TAFA5: variants seen among roughly 807,000 people sequenced by gnomAD.
TAFA5 encodes chemokine-like protein TAFA-5.
In TAFA5, 6 loss-of-function variants were observed where a neutral mutation model predicts 15.3. The observed-to-expected ratio is 0.39, with a 90% confidence interval of 0.21 to 0.77. The LOEUF (loss-of-function observed/expected upper bound fraction) is 0.77. Among genes scored for constraint, TAFA5 ranks in the 30% least tolerant of loss-of-function variants. TAFA5 has a pLI of 0.41. For synonymous variants in TAFA5, 103 were observed against 80.7 expected, an observed-to-expected ratio of 1.28 and a Z score of -1.48; for missense variants, 161 against 193.1, an observed-to-expected ratio of 0.83 and a Z score of 0.98.
At chr22:48,736,007 T>C (rs1601706854) in intron 3 of TAFA5, among the ~76,000 whole-genome samples, 1 of 42,342 alleles carries the variant, frequency 2.4e-5, no homozygotes, top group East Asian at 3.5e-4. Context: ...CCAGAGTCCA[T>C]CCCCCCAGGA....
At chr22:48,655,666 A>T (rs777373245) in intron 2 of TAFA5, among the ~76,000 whole-genome samples, 7 of 152,086 alleles carry the variant, frequency 4.6e-5, no homozygotes, top group Non-Finnish European at 7.3e-5. Flanking sequence ...AATTTAGGGA[A>T]CACTTTTAGA....
intron 1 of TAFA5, among the ~76,000 whole-genome samples, chr22:48,633,772 C>T (rs1286770692): frequency 1.3e-5 from 2 of 152,112 alleles, no homozygotes; most frequent in African/African-American, 4.8e-5. Flanking sequence ...CATATTAAGT[C>T]ATCTTTAGTT....
chr22:48,712,393 A>G (rs1929280315), intron 3 of TAFA5, among the ~76,000 whole-genome samples: 1 of 152,172 alleles, frequency 6.6e-6, no homozygotes, highest in Non-Finnish European at 1.5e-5. Flanking sequence ...CCGTCACCCC[A>G]TTAGTGGGTT....
intron 1 of TAFA5, among the ~76,000 whole-genome samples, chr22:48,539,756 G>A (rs976912623): frequency 2.6e-5 from 4 of 152,184 alleles, no homozygotes; most frequent in East Asian, 3.9e-4. Context: ...CTTAATAGCC[G>A]CAGGAAGGCC....
intron 3 of TAFA5, among the ~76,000 whole-genome samples, chr22:48,716,734 A>T (rs1929412792): frequency 6.6e-6 from 1 of 152,208 alleles, no homozygotes; most frequent in Non-Finnish European, 1.5e-5. Context: ...ACATACACAC[A>T]CGTATATGTC....
At chr22:48,724,790 G>C (rs1269435233) in intron 3 of TAFA5, among the ~76,000 whole-genome samples, 2 of 152,226 alleles carry the variant, frequency 1.3e-5, no homozygotes, top group East Asian at 3.9e-4. Context: ...TGATCAGAGG[G>C]TTCACAGGCA....
intron 2 of TAFA5, among the ~76,000 whole-genome samples, chr22:48,662,577 G>A (rs1364867330): frequency 6.6e-6 from 1 of 152,180 alleles, no homozygotes; most frequent in Non-Finnish European, 1.5e-5. Context: ...TGTATGTGCA[G>A]CGATGCTCTG....
At chr22:48,675,814 G>T (rs1408239084) in intron 2 of TAFA5, among the ~76,000 whole-genome samples, 2 of 152,248 alleles carry the variant, frequency 1.3e-5, no homozygotes, top group African/African-American at 4.8e-5. Context: ...CTCCAGGTCA[G>T]CATTGTACCA....
At position 48,538,334 on chromosome 22, in the gene TAFA5, G is replaced by C. The variant is rs116110712; in HGVS notation, c.112+48630G>C. Among the ~76,000 whole-genome samples, 1,119 of 152,318 alleles carry C rather than the reference G, an allele frequency of 7.3e-3. 12 individuals carry two copies. The highest frequency in any genetic ancestry group is 0.026 in the African/African-American group (1,074 of 41,588). Reference sequence around the variant, plus strand: ...CCGCTGCCCCGAGCCCTGCCCTCAGGCTGGTTGTGAGCCAGGCCATGGGGC... The same window carrying C: ...CCGCTGCCCCGAGCCCTGCCCTCAGCCTGGTTGTGAGCCAGGCCATGGGGC... On this transcript the variant is annotated intron_variant, in intron 1 of 3. Coordinates refer to ENST00000402357, the MANE Select transcript of TAFA5 (RefSeq NM_001082967.3).
chr22:48,558,260 C>T (rs1923107262), intron 1 of TAFA5, among the ~76,000 whole-genome samples: 1 of 152,234 alleles, frequency 6.6e-6, no homozygotes, highest in Non-Finnish European at 1.5e-5. Context: ...TGGGAGCCGG[C>T]AAATCATCGT....
intron 1 of TAFA5, chr22:48,543,780 T>C (rs12166287): frequency 0.034 from 5,233 of 152,474 alleles, 282 homozygotes; most frequent in African/African-American, 0.12. Flanking sequence ...AGTTAGGCTC[T>C]GGACAGGCCA....
intron 1 of TAFA5, among the ~76,000 whole-genome samples, chr22:48,549,178 T>G (rs1922778058): frequency 6.6e-6 from 1 of 152,226 alleles, no homozygotes; most frequent in African/African-American, 2.4e-5. Context: ...ATGATCCCAT[T>G]TCTCTGCCTT....
intron 1 of TAFA5, among the ~76,000 whole-genome samples, chr22:48,559,069 C>A (rs1169196031): frequency 6.6e-6 from 1 of 152,230 alleles, no homozygotes; most frequent in Non-Finnish European, 1.5e-5. Flanking sequence ...GAGGTGCCCC[C>A]TCCCTCTCAC....
At chr22:48,533,129 G>GC (rs896780426) in intron 1 of TAFA5, among the ~76,000 whole-genome samples, 1 of 152,160 alleles carries the variant, frequency 6.6e-6, no homozygotes, top group Non-Finnish European at 1.5e-5. Context: ...CCCCTGGGAG[G>GC]CCTGTGCCTG....
intron 2 of TAFA5, among the ~76,000 whole-genome samples, chr22:48,679,145 G>GGC (rs1210320126): frequency 1.6e-5 from 1 of 60,756 alleles, no homozygotes. Context: ...CCGGCTCCCT[G>GGC]TCCATCCCTC....
At chr22:48,640,071 A>T (rs1926617503) in intron 1 of TAFA5, among the ~76,000 whole-genome samples, 1 of 152,192 alleles carries the variant, frequency 6.6e-6, no homozygotes, top group African/African-American at 2.4e-5. Context: ...CCCTGAACCC[A>T]GTCCAGCCCC....
chr22:48,710,842 G>A (rs1013404176), intron 3 of TAFA5, among the ~76,000 whole-genome samples: 2 of 152,182 alleles, frequency 1.3e-5, no homozygotes, highest in Admixed American at 6.5e-5. Flanking sequence ...TGGGCCTCAC[G>A]GGCTTGGGAG....
chr22:48,693,414 G>T, intron 2 of TAFA5: 1 of 1,611,814 alleles, frequency 6.2e-7, no homozygotes, highest in Non-Finnish European at 8.5e-7. Context: ...TCATAGTGCA[G>T]CCCGTGCAGG....
chr22:48,646,118 A>C (rs752479670), intron 1 of TAFA5, among the ~76,000 whole-genome samples: 1 of 152,044 alleles, frequency 6.6e-6, no homozygotes, highest in African/African-American at 2.4e-5. Context: ...AACTTTTGAC[A>C]AGCCTGAGCG....
Sources: gnomAD v4.1 joint callset for allele counts (sites outside exome capture counted in the v4.1 genomes callset) on GRCh38, gnomAD v4.1.1 for gene constraint, MANE v1.5 for transcripts, NCBI Gene and HGNC (gene_info 2026-07-23, HGNC 2026-07-21) for gene names.